The following TNPO2 variants were observed in gnomAD, a reference collection of about 807,000 sequenced individuals.
TNPO2 encodes the protein transportin-2.
In TNPO2, 16 loss-of-function variants were observed where a neutral mutation model predicts 111.1. That is an observed-to-expected ratio of 0.14 (90% CI 0.10 to 0.22). TNPO2 has a LOEUF of 0.22. TNPO2 is among the 10% of genes least tolerant of loss of function. TNPO2 has a pLI of 1.00. For missense variants in TNPO2, 530 were observed against 1,173.7 expected (o/e 0.45, Z 8.01); for synonymous variants, 481 against 475.8 (o/e 1.01, Z -0.14).
At position 12,711,651 on chromosome 19, in the gene TNPO2, C is replaced by T. The variant is rs746434424; in HGVS notation, c.891-38G>A. On this transcript the variant is annotated intron_variant, in intron 10 of 25. Transcript: ENST00000425528. ...GGACTGTTTATGGGGATGCAGGGGCCGTGGCAAAAGTTGGGGGGAGGCACA... is the reference window on the plus strand; with the variant it reads ...GGACTGTTTATGGGGATGCAGGGGCTGTGGCAAAAGTTGGGGGGAGGCACA... The T allele has an allele frequency of 5.6e-6, 9 of 1,598,314 alleles. No individual in the cohort carries two copies. The Admixed American group carries it at 1.2e-4, about 22-fold the overall frequency.
At chr19:12,711,231 G>C in intron 12 of TNPO2, 65 bp downstream of exon 12, 1 of 1,568,902 alleles carries the variant, frequency 6.4e-7, no homozygotes, top group South Asian at 1.2e-5. Flanking sequence ...TCAGCTTCTA[G>C]TCACCTCCCA....
chr19:12,715,030 G>T lies in TNPO2; in HGVS notation c.771+17C>A. 6.4e-7 allele frequency: 1 copy of T among 1,573,240 alleles called. No homozygotes were observed. ...GCCCCCTGCCTGCCCGCCTGGGCTG[G>T]CCTTGACCATGCACACCTGGATGAT... is the stretch of plus-strand genomic sequence containing the variant. On this transcript the variant is annotated intron_variant, in intron 9 of 25. Transcript: ENST00000425528. The surrounding 1 kb of genome is among the most constrained non-coding windows in gnomAD (Gnocchi z 7.1).
intron 20 of TNPO2, 142 bp from the exon 21 acceptor site, chr19:12,703,060 C>A: frequency 1.4e-6 from 1 of 712,114 alleles, no homozygotes; most frequent in Non-Finnish European, 2.4e-6. Flanking sequence ...AAGACCTTCT[C>A]CGGCTAATCC....
In TNPO2 at chr19:12,702,974, G is replaced by T; in HGVS notation, c.2210-56C>A. ...AGCCCCCGCCACCCACAGGGGCCAG[G>T]GGGCCGCCCCACCTCACTCACTACT... On this transcript the variant is annotated intron_variant, in intron 20 of 25. Coordinates refer to ENST00000425528, the MANE Select transcript of TNPO2 (RefSeq NM_001382241.1). This position sits in a 1 kb window ranked among gnomAD's most constrained non-coding sequence, Gnocchi z 5.5. 6.5e-7 allele frequency: 1 copy of T among 1,528,258 alleles called. No homozygotes were observed. The highest frequency in any genetic ancestry group is 9.0e-7 in the Non-Finnish European group (1 of 1,107,190). 94.7% of individuals were successfully genotyped at this position (1,528,258 alleles called of 1,614,324 possible).
chr19:12,715,311 C>T lies in TNPO2; in HGVS notation c.580G>A (p.Ala194Thr), dbSNP rs1295567219. ...TCCATGATGAACTGGTTCACGCAGGCGATGGCGTGGGACCTGGCGGGGAGC... is the reference window on the plus strand; with the variant it reads ...TCCATGATGAACTGGTTCACGCAGGTGATGGCGTGGGACCTGGCGGGGAGC... ...CSPKIRSHAI[A>T]CVNQFIMDRA... The change falls in exon 8 of 26, where the codon GCC (alanine) becomes ACC (threonine). Residue 194 changes from alanine to threonine, a missense_variant. Physicochemically the swap from Ala to Thr is moderately conservative, Grantham distance 58. Transcript: ENST00000425528. This position sits in a 1 kb window ranked among gnomAD's most constrained non-coding sequence, Gnocchi z 7.1. 1.9e-6 allele frequency: 3 copies of T among 1,613,734 alleles called. No individual in the cohort carries two copies. Among genetic ancestry groups the T allele is most frequent in the Non-Finnish European group, 2.5e-6 (3 of 1,179,810 alleles).
In TNPO2 at chr19:12,706,180, C is replaced by T. The variant is rs760961931; in HGVS notation, c.1668+16G>A. ...GGCACGGGGATCGGGAGGCGGGAGC[C>T]GCTCTGGGGTCTCACCGGCTGGTTG... On this transcript the variant is annotated intron_variant, in intron 15 of 25. Transcript: ENST00000425528. This position sits in a 1 kb window ranked among gnomAD's most constrained non-coding sequence, Gnocchi z 7.0. The T allele has an allele frequency of 5.0e-6, 8 of 1,611,098 alleles. No homozygotes were observed. The highest frequency in any genetic ancestry group is 2.2e-5 in the South Asian group (2 of 90,878).
At chr19:12,703,170 A>G in intron 20 of TNPO2, 3 of 586,232 alleles carry the variant, frequency 5.1e-6, no homozygotes, top group South Asian at 2.2e-5. Flanking sequence ...CCCAAGTCAA[A>G]GGAAAAAAAA....
At chr19:12,720,840 C>T (rs775091718) in intron 3 of TNPO2, 39 bp downstream of exon 3, 12 of 1,551,912 alleles carry the variant, frequency 7.7e-6, no homozygotes, top group Admixed American at 3.9e-5. Flanking sequence ...CTGCACGCAT[C>T]TACCCGGCTC....
Position 12,702,684 on chromosome 19 carries a change from TC to T in TNPO2, c.2305+138del. ...GAGGCTGCATCTTTCTTGGGGCTTCTCCCAGTGACCCCTTCCAGGTACTTCC... is the reference window on the plus strand; with the variant it reads ...GAGGCTGCATCTTTCTTGGGGCTTCTCCAGTGACCCCTTCCAGGTACTTCC... On this transcript the variant is annotated intron_variant, in intron 21 of 25. Transcript: ENST00000425528. This position sits in a 1 kb window ranked among gnomAD's most constrained non-coding sequence, Gnocchi z 5.5. The T allele has an allele frequency of 2.6e-6, 2 of 755,562 alleles. No individual in the cohort carries two copies. The highest frequency in any genetic ancestry group is 4.5e-6 in the Non-Finnish European group (2 of 443,598). 46.8% of individuals were successfully genotyped at this position (755,562 alleles called of 1,614,324 possible).
chr19:12,706,846 C>T lies in TNPO2; in HGVS notation c.1271-51G>A, dbSNP rs1440226202. The T allele has an allele frequency of 6.9e-7, 1 of 1,456,960 alleles. No individual in the cohort carries two copies. Among genetic ancestry groups the T allele is most frequent in the Non-Finnish European group, 9.4e-7 (1 of 1,060,886 alleles). The allele number at this position is 1,456,960 out of a possible 1,614,324, so 90.3% of individuals were successfully genotyped here. A position where few individuals can be genotyped will look rare whatever the true frequency, so the allele number is the denominator to read the frequency against. On this transcript the variant is annotated intron_variant, in intron 13 of 25. Transcript: ENST00000425528. This position sits in a 1 kb window ranked among gnomAD's most constrained non-coding sequence, Gnocchi z 7.0. ...GGCAGTTTGATTGGGCCCAGCCACA[C>T]CCACCGTATGGAGAGAAGAGTCAGC... is the stretch of plus-strand genomic sequence containing the variant.
Position 12,715,807 on chromosome 19 carries a change from T to C in TNPO2, c.326-68A>G, listed in dbSNP as rs1306413366. ...GCTGCCTAGCACCTCCCCCTCCCAC[T>C]GGACACCCCCAGTGCTGCCTTTCTG... On this transcript the variant is annotated intron_variant, in intron 5 of 25. Coordinates refer to ENST00000425528, the MANE Select transcript of TNPO2 (RefSeq NM_001382241.1). This position sits in a 1 kb window ranked among gnomAD's most constrained non-coding sequence, Gnocchi z 7.1. 1.2e-5 allele frequency: 16 copies of C among 1,281,934 alleles called. No homozygotes were observed. Among genetic ancestry groups the C allele is most frequent in the Non-Finnish European group, 1.8e-5 (16 of 911,346 alleles). 79.4% of individuals were successfully genotyped at this position (1,281,934 alleles called of 1,614,324 possible).
At chr19:12,710,416 G>T (rs1028061888) in intron 13 of TNPO2, among the ~76,000 whole-genome samples, 1 of 152,174 alleles carries the variant, frequency 6.6e-6, no homozygotes, top group Middle Eastern at 3.2e-3. Context: ...CTACCTGCCT[G>T]CAAGAATGAA....
At chr19:12,718,963 A>T in intron 5 of TNPO2, 66 bp downstream of exon 5, 1 of 1,591,640 alleles carries the variant, frequency 6.3e-7, no homozygotes. Context: ...GAAGCACTAC[A>T]CTTAACATGC....
Position 12,699,933 on chromosome 19 carries a change from G to A in TNPO2, c.*1331C>T, listed in dbSNP as rs189574189. 246 of 152,544 alleles carry A rather than the reference G, an allele frequency of 1.6e-3. 1 individual carries two copies. Among genetic ancestry groups the A allele is most frequent in the Non-Finnish European group, 2.4e-3 (165 of 68,082 alleles). 9.4% of individuals were successfully genotyped at this position (152,544 alleles called of 1,614,324 possible). A position where few individuals can be genotyped will look rare whatever the true frequency, so the allele number is the denominator to read the frequency against. Reference sequence around the variant, plus strand: ...GTAGAAAGCAGGGAAGGAAAAAAAGGGAAAAAATGCTAAGGGGGTCTGCAA... The same window carrying A: ...GTAGAAAGCAGGGAAGGAAAAAAAGAGAAAAAATGCTAAGGGGGTCTGCAA... On this transcript the variant is annotated 3_prime_UTR_variant, in exon 26 of 26. Transcript: ENST00000425528.
At chr19:12,718,379 A>C (rs2026482417) in intron 5 of TNPO2, among the ~76,000 whole-genome samples, 1 of 152,074 alleles carries the variant, frequency 6.6e-6, no homozygotes. Flanking sequence ...ATTGGCCAGG[A>C]TGGTCTTGAT....
At chr19:12,722,799 C>T (rs79731363) in intron 2 of TNPO2, among the ~76,000 whole-genome samples, 4,103 of 152,108 alleles carry the variant, frequency 0.027, 183 homozygotes, top group African/African-American at 0.093. Flanking sequence ...CTCCCAGTGT[C>T]TCGTTTTCCC....
chr19:12,703,172 GA>G (rs1020685324), intron 20 of TNPO2: 60 of 571,616 alleles, frequency 1.0e-4, no homozygotes, highest in South Asian at 2.1e-4. Context: ...CAAGTCAAAG[GA>G]AAAAAAAAGC....
Position 12,715,779 on chromosome 19 carries a change from G to A in TNPO2, c.326-40C>T, listed in dbSNP as rs1055343855. On this transcript the variant is annotated intron_variant, in intron 5 of 25. Transcript: ENST00000425528. The surrounding 1 kb of genome is among the most constrained non-coding windows in gnomAD (Gnocchi z 7.1). The stretch of plus-strand genomic sequence containing the variant: ...AAAGGACGCTGCCTGAGGCTGGGCA[G>A]GGGCTGCCTAGCACCTCCCCCTCCC... 6.5e-7 allele frequency: 1 copy of A among 1,541,312 alleles called. No individual in the cohort carries two copies. Among genetic ancestry groups the A allele is most frequent in the African/African-American group, 1.4e-5 (1 of 73,566 alleles).
At chr19:12,722,534 G>A (rs1243356825) in intron 2 of TNPO2, 2 of 144,386 alleles carry the variant, frequency 1.4e-5, no homozygotes, top group African/African-American at 5.2e-5. Flanking sequence ...AGACTCGCGC[G>A]GAAGGAGGGA....
Sources: allele counts gnomAD v4.1 joint callset (sites outside exome capture counted in the v4.1 genomes callset), GRCh38; gene constraint gnomAD v4.1.1; non-coding constraint Gnocchi (gnomAD v3.1); transcripts MANE v1.5; gene names NCBI Gene and HGNC (gene_info 2026-07-23, HGNC 2026-07-21).